The following BFSP1 variants were observed in gnomAD, a reference collection of about 807,000 sequenced individuals.
BFSP1 encodes beaded filament structural protein 1, also known as filensin.
In BFSP1, 38 loss-of-function variants were observed where a neutral mutation model predicts 43.9. The ratio of observed to expected loss-of-function variants is 0.87; its 90% confidence interval spans 0.67 to 1.14. The LOEUF (loss-of-function observed/expected upper bound fraction) is 1.14. Ranked by LOEUF, BFSP1 falls within the 50% of genes most tolerant of loss-of-function variation. BFSP1 has a pLI of 0.00. For synonymous variants in BFSP1, 352 were observed against 354.8 expected (o/e 0.99, Z 0.09); for missense variants, 850 against 875.1 (o/e 0.97, Z 0.36).
rs2034770918 is a variant in BFSP1 at position 17,544,585 on chromosome 20, A to T, written c.2+14103T>A. Among the ~76,000 whole-genome samples the T allele has an allele frequency of 5.3e-5, 8 of 152,364 alleles. No individual in the cohort carries two copies. The South Asian group carries it at 1.7e-3, about 32-fold the overall frequency. ...TATGCTGGTTTTAATGGCAGTACTA[A>T]GACAAGAAATAAATTACCTAACTTA... On this transcript the variant is annotated intron_variant, in intron 1 of 7. Transcript: ENST00000377868.
Position 17,531,257 on chromosome 20 carries a change from C to A in BFSP1, c.73G>T (p.Ala25Ser). 1 of 1,435,392 alleles carries A rather than the reference C, an allele frequency of 7.0e-7. No individual in the cohort carries two copies. Among genetic ancestry groups the A allele is most frequent in the Non-Finnish European group, 9.1e-7 (1 of 1,095,120 alleles). 88.9% of individuals were successfully genotyped at this position (1,435,392 alleles called of 1,614,324 possible). A position where few individuals can be genotyped will look rare whatever the true frequency, so the allele number is the denominator to read the frequency against. ...TCGTCGGCCGGGCGCTCGGGCTCGG[C>A]GGCGCGCGAAGCCTCGTCGGCGTGC... Reference protein sequence around the residue: ...YEHADEASRAAEPERPADEGW... With the variant: ...YEHADEASRASEPERPADEGW... The change falls in exon 1 of 8, where the codon GCC becomes TCC. Residue 25 changes from alanine to serine, a missense_variant. Ala to Ser is a moderately conservative substitution (Grantham distance 99, BLOSUM62 1). Transcript: ENST00000377873.
intron 1 of BFSP1, among the ~76,000 whole-genome samples, chr20:17,538,175 A>AAAGGG (rs2034661275): frequency 6.6e-6 from 1 of 151,780 alleles, no homozygotes; most frequent in South Asian, 2.1e-4. Context: ...AGGAAGGAAG[A>AAAGGG]AAGGGAAGGG....
At chr20:17,515,332 C>T (rs1481507242) in intron 2 of BFSP1, among the ~76,000 whole-genome samples, 1 of 152,174 alleles carries the variant, frequency 6.6e-6, no homozygotes, top group Non-Finnish European at 1.5e-5. Context: ...ATCTCATCAT[C>T]AGTGAGTTGG....
intron 7 of BFSP1, among the ~76,000 whole-genome samples, chr20:17,496,205 G>T (rs1473893441): frequency 6.6e-6 from 1 of 152,214 alleles, no homozygotes; most frequent in Non-Finnish European, 1.5e-5. Flanking sequence ...CAGCTGCAAG[G>T]CTGTTCCCTT....
intron 1 of BFSP1, among the ~76,000 whole-genome samples, chr20:17,557,826 G>C (rs1301552013): frequency 6.6e-6 from 1 of 152,146 alleles, no homozygotes; most frequent in African/African-American, 2.4e-5. Context: ...TGTTATGCAG[G>C]AAAACCCAGC....
chr20:17,505,248 T>G (rs181481747), intron 5 of BFSP1, among the ~76,000 whole-genome samples: 1 of 152,144 alleles, frequency 6.6e-6, no homozygotes, highest in Non-Finnish European at 1.5e-5. Context: ...TATTCTCCCA[T>G]CGTCCGCCCA....
Position 17,537,586 on chromosome 20 carries a change from A to C in BFSP1, c.3-12678T>G, listed in dbSNP as rs866008466. Among the ~76,000 whole-genome samples the C allele has an allele frequency of 2.3e-3, 354 of 152,020 alleles. 2 individuals carry two copies. Among genetic ancestry groups the C allele is most frequent in the Middle Eastern group, 0.01 (3 of 294 alleles). On this transcript the variant is annotated intron_variant, in intron 1 of 7. Transcript: ENST00000377868. ...GAAGCACCAAAAAAAAAAAAAAAAA[A>C]AAACAAATTTGTGTGACAGCAAGTG...
intron 1 of BFSP1, among the ~76,000 whole-genome samples, chr20:17,565,265 T>A (rs867447968): frequency 1.3e-5 from 2 of 152,232 alleles, no homozygotes; most frequent in African/African-American, 2.4e-5. Context: ...AATTGGTATA[T>A]CCTTTTTAGA....
intron 1 of BFSP1, among the ~76,000 whole-genome samples, chr20:17,556,885 A>G (rs542503515): frequency 6.6e-6 from 1 of 152,284 alleles, no homozygotes; most frequent in South Asian, 2.1e-4. Flanking sequence ...TTTTTTTAAT[A>G]GCCAGAAAAA....
chr20:17,533,838 A>C (rs1265302332), upstream of BFSP1, among the ~76,000 whole-genome samples: 2 of 152,336 alleles, frequency 1.3e-5, no homozygotes, highest in Middle Eastern at 3.4e-3. Context: ...TGAAATAAAC[A>C]CTCAGAAAAT....
At chr20:17,555,702 T>G (rs2034980617) in intron 1 of BFSP1, among the ~76,000 whole-genome samples, 1 of 152,174 alleles carries the variant, frequency 6.6e-6, no homozygotes, top group South Asian at 2.1e-4. Context: ...TACAGAAACA[T>G]GCCATGTTCA....
intron 1 of BFSP1, among the ~76,000 whole-genome samples, chr20:17,529,227 T>A (rs2034483718): frequency 6.6e-6 from 1 of 152,050 alleles, no homozygotes; most frequent in Non-Finnish European, 1.5e-5. Context: ...CGTGTGCCAC[T>A]ACACCCAGCT....
At chr20:17,505,169 G>A (rs893979723) in intron 5 of BFSP1, among the ~76,000 whole-genome samples, 1 of 152,130 alleles carries the variant, frequency 6.6e-6, no homozygotes, top group African/African-American at 2.4e-5. Flanking sequence ...CTTCCTCCGG[G>A]GCTCTTACGG....
At chr20:17,500,654 T>C (rs1226944406) in intron 5 of BFSP1, among the ~76,000 whole-genome samples, 1 of 152,212 alleles carries the variant, frequency 6.6e-6, no homozygotes, top group Admixed American at 6.5e-5. Flanking sequence ...GTCCCACTTT[T>C]AACGAGATGT....
chr20:17,544,429 C>T lies in BFSP1; in HGVS notation c.2+14259G>A, dbSNP rs1343538547. 8.5e-5 allele frequency among the ~76,000 whole-genome samples: 13 copies of T among 152,236 alleles called. No individual in the cohort carries two copies. The East Asian group carries it at 2.5e-3, about 29-fold the overall frequency. On this transcript the variant is annotated intron_variant, in intron 1 of 7. Coordinates refer to the BFSP1 transcript ENST00000377868. ...TGAGTGCTGAGGGGGTACGGGGGTG[C>T]AGCACAGCCACTGCTACAGCCCCAC...
chr20:17,552,635 T>A (rs1018180450), intron 1 of BFSP1, among the ~76,000 whole-genome samples: 1 of 152,002 alleles, frequency 6.6e-6, no homozygotes, highest in Non-Finnish European at 1.5e-5. Context: ...ACCAGGGTGA[T>A]AGCAATGGAG....
chr20:17,547,764 T>G (rs2034827411), intron 1 of BFSP1, among the ~76,000 whole-genome samples: 1 of 149,336 alleles, frequency 6.7e-6, no homozygotes, highest in South Asian at 2.1e-4. Flanking sequence ...CAAGGTCTCA[T>G]TCTGTTGCCA....
intron 1 of BFSP1, among the ~76,000 whole-genome samples, chr20:17,558,411 T>G (rs1293281124): frequency 6.6e-6 from 1 of 152,188 alleles, no homozygotes; most frequent in East Asian, 1.9e-4. Context: ...CGTGCTGCTC[T>G]TTTTTCTCTG....
At chr20:17,521,708 G>A (rs1397725086) in intron 2 of BFSP1, among the ~76,000 whole-genome samples, 2 of 152,220 alleles carry the variant, frequency 1.3e-5, no homozygotes, top group South Asian at 2.1e-4. Flanking sequence ...TGGACCCCAA[G>A]GCAAAGACTG....
Sources: allele counts gnomAD v4.1 joint callset (sites outside exome capture counted in the v4.1 genomes callset), GRCh38; gene constraint gnomAD v4.1.1; transcripts MANE v1.5; gene names NCBI Gene and HGNC (gene_info 2026-07-23, HGNC 2026-07-21).